JAM2: variants seen among roughly 807,000 people sequenced by gnomAD.
The protein encoded by JAM2 is junctional adhesion molecule 2.
JAM2 carries 17 observed loss-of-function variants against 42.0 expected under a neutral mutation model. The ratio of observed to expected loss-of-function variants is 0.40; its 90% CI spans 0.28 to 0.61. JAM2 has a LOEUF of 0.61. Ranked by LOEUF, JAM2 falls within the 20% of genes least tolerant of loss-of-function variation. The pLI is 0.37. For missense variants in JAM2, 319 were observed against 358.3 expected, an observed-to-expected ratio of 0.89 and a Z score of 0.89; for synonymous variants, 118 against 128.6, an observed-to-expected ratio of 0.92 and a Z score of 0.56.
intron 8 of JAM2, among the ~76,000 whole-genome samples, chr21:25,710,965 G>A (rs892222579): frequency 1.3e-5 from 2 of 152,226 alleles, no homozygotes; most frequent in African/African-American, 2.4e-5. Flanking sequence ...AGCAGTGTTG[G>A]AGATGCTGAG....
intron 1 of JAM2, among the ~76,000 whole-genome samples, chr21:25,640,462 A>G (rs976940824): frequency 5.3e-5 from 8 of 152,216 alleles, no homozygotes; most frequent in African/African-American, 1.7e-4. Context: ...CACTTAGAGA[A>G]GTCTGGTCTG....
chr21:25,695,682 CCGGGCGGAGGGGCTCCTCACTTTCCAGA>C (rs2033999654), intron 4 of JAM2, among the ~76,000 whole-genome samples: 1 of 150,810 alleles, frequency 6.6e-6, no homozygotes, highest in Non-Finnish European at 1.5e-5. Flanking sequence ...GGGGCGGCTG[CCGGGCGGAGGGGCTCCTCACTTTCCAGA>C]TGGGGCGGCT....
At chr21:25,705,894 T>C in intron 6 of JAM2, 85 bp from the exon 7 acceptor site, 1 of 907,422 alleles carries the variant, frequency 1.1e-6, no homozygotes, top group Non-Finnish European at 1.8e-6. Flanking sequence ...GCAAAGGGGA[T>C]CTTTTTTTGA....
At chr21:25,675,312 A>G (rs1027554198) in intron 1 of JAM2, among the ~76,000 whole-genome samples, 3 of 152,128 alleles carry the variant, frequency 2.0e-5, no homozygotes, top group Admixed American at 6.6e-5. Context: ...CCTGGCCAAC[A>G]TGGTGAAACC....
chr21:25,710,306 AC>A (rs1394941047), intron 8 of JAM2: 1 of 152,246 alleles, frequency 6.6e-6, no homozygotes, highest in Non-Finnish European at 1.5e-5. Flanking sequence ...ACAGCAGTGA[AC>A]AAAACAGGCC....
intron 1 of JAM2, among the ~76,000 whole-genome samples, chr21:25,663,970 C>T (rs1372818241): frequency 6.6e-6 from 1 of 152,126 alleles, no homozygotes; most frequent in Non-Finnish European, 1.5e-5. Context: ...GTATCTTCAA[C>T]TTATCTTCAT....
chr21:25,659,835 A>G (rs529901111), intron 1 of JAM2, among the ~76,000 whole-genome samples: 1 of 152,332 alleles, frequency 6.6e-6, no homozygotes, highest in South Asian at 2.1e-4. Context: ...AAATGCATCA[A>G]AATTAGTTGA....
At chr21:25,646,577 AGAGAGAGAGAGAAG>A (rs2032619652) in intron 1 of JAM2, among the ~76,000 whole-genome samples, 1 of 149,578 alleles carries the variant, frequency 6.7e-6, no homozygotes, top group African/African-American at 2.4e-5. Flanking sequence ...GGGGGGAAAG[AGAGAGAGAGAGAAG>A]GAGAGAGAGA....
At chr21:25,677,644 C>G (rs1469340915) in intron 1 of JAM2, among the ~76,000 whole-genome samples, 1 of 152,086 alleles carries the variant, frequency 6.6e-6, no homozygotes, top group African/African-American at 2.4e-5. Context: ...TCTCAGTAGG[C>G]AGTGTGATGT....
chr21:25,647,092 C>T (rs1350341437), intron 1 of JAM2, among the ~76,000 whole-genome samples: 1 of 152,170 alleles, frequency 6.6e-6, no homozygotes, highest in Non-Finnish European at 1.5e-5. Context: ...GCTGTTTTTA[C>T]TCTTCGCTTT....
chr21:25,677,111 G>A (rs1371564786), intron 1 of JAM2, among the ~76,000 whole-genome samples: 2 of 151,736 alleles, frequency 1.3e-5, no homozygotes, highest in Admixed American at 6.6e-5. Context: ...TTTGGATGAC[G>A]GCTACACTAA....
rs886259198 is a variant in JAM2 at position 25,717,047 on chromosome 21, G to C, written c.*2375G>C. On this transcript the variant is annotated 3_prime_UTR_variant, in exon 10 of 10. Coordinates refer to ENST00000480456, the MANE Select transcript of JAM2 (RefSeq NM_021219.4). ...CTTCTTTTTAAGACATCAAAGGCTA[G>C]AGGATTCATTTTATGCAGTGCGAAC... 2.6e-5 allele frequency: 4 copies of C among 152,246 alleles called. No individual in the cohort carries two copies. Among genetic ancestry groups the C allele is most frequent in the East Asian group, 1.9e-4 (1 of 5,202 alleles). 9.4% of individuals were successfully genotyped at this position (152,246 alleles called of 1,614,324 possible).
intron 1 of JAM2, among the ~76,000 whole-genome samples, chr21:25,675,407 A>G (rs1270241524): frequency 6.6e-6 from 1 of 151,954 alleles, no homozygotes; most frequent in Non-Finnish European, 1.5e-5. Flanking sequence ...GAAGCACGAA[A>G]ACCAGTTGAG....
Position 25,717,477 on chromosome 21 carries a change from T to C in JAM2, c.*2805T>C, listed in dbSNP as rs970818332. The C allele has an allele frequency of 7.4e-5, 49 of 659,636 alleles. No homozygotes were observed. Among genetic ancestry groups the C allele is most frequent in the Admixed American group, 3.7e-4 (10 of 27,064 alleles). The allele number at this position is 659,636 out of a possible 1,614,324, so 40.9% of individuals were successfully genotyped here. A position where few individuals can be genotyped will look rare whatever the true frequency, so the allele number is the denominator to read the frequency against. On this transcript the variant is annotated 3_prime_UTR_variant, in exon 10 of 10. Transcript: ENST00000480456. ...GAGGTTTGACCTAAGTCTGGACCAA[T>C]TGATTGCTTTTCAATACAACTTTGC...
chr21:25,688,376 A>G (rs577468543), intron 2 of JAM2, among the ~76,000 whole-genome samples: 10 of 152,324 alleles, frequency 6.6e-5, no homozygotes, highest in African/African-American at 2.2e-4. Flanking sequence ...GACACAGAAG[A>G]CATGAGGAAT....
Position 25,689,860 on chromosome 21 carries a change from T to C in JAM2, c.134-6T>C, listed in dbSNP as rs1176949538. On this transcript the variant is annotated splice_polypyrimidine_tract_variant and splice_region_variant and intron_variant, in intron 2 of 9. Transcript: ENST00000480456. ...AGAAAACAAGTATTTTTATTGTTGT[T>C]CCTAGAGGCTATTTTAGCCTGCAAA... 1 of 1,569,494 alleles carries C rather than the reference T, an allele frequency of 6.4e-7. No homozygotes were observed. Among genetic ancestry groups the C allele is most frequent in the Non-Finnish European group, 8.8e-7 (1 of 1,139,946 alleles).
chr21:25,663,235 C>T (rs112354574), intron 1 of JAM2, among the ~76,000 whole-genome samples: 2,330 of 152,146 alleles, frequency 0.015, 46 homozygotes, highest in African/African-American at 0.052. Flanking sequence ...GAGCCTGTTC[C>T]GAAAGGCCAT....
chr21:25,676,732 G>A (rs2829858), intron 1 of JAM2, among the ~76,000 whole-genome samples: 56,903 of 151,962 alleles, frequency 0.37, 10,846 homozygotes, highest in South Asian at 0.51. Flanking sequence ...TATTTAATTT[G>A]TTCTGGAAAA....
chr21:25,701,873 A>G (rs2034173198), intron 5 of JAM2, among the ~76,000 whole-genome samples: 1 of 152,020 alleles, frequency 6.6e-6, no homozygotes, highest in East Asian at 1.9e-4. Context: ...ACCATGTGTT[A>G]TGAACTTTAA....
Sources: allele counts gnomAD v4.1 joint callset (sites outside exome capture counted in the v4.1 genomes callset), GRCh38; gene constraint gnomAD v4.1.1; transcripts MANE v1.5; gene names NCBI Gene and HGNC (gene_info 2026-07-23, HGNC 2026-07-21).